Variants in FANCA observed in about 807,000 individuals in gnomAD.
The protein encoded by FANCA is FA complementation group A, also known as Fanconi anemia group A protein.
A neutral mutation model predicts 194.3 loss-of-function variants in FANCA; 236 were observed. The ratio of observed to expected loss-of-function variants is 1.21; its 90% CI spans 1.09 to 1.35. The LOEUF (loss-of-function observed/expected upper bound fraction) is 1.35, where lower values mean the gene tolerates loss of function less well. Ranked by LOEUF, FANCA falls within the 40% of genes most tolerant of loss-of-function variation. The pLI is 0.00. For missense variants in FANCA, 2,628 were observed against 1,813.9 expected, an observed-to-expected ratio of 1.45 and a Z score of -8.15; for synonymous variants, 1,014 against 715.8, an observed-to-expected ratio of 1.42 and a Z score of -6.65.
Position 89,815,933 on chromosome 16 carries a change from C to T in FANCA, c.133G>A (p.Glu45Lys), listed in dbSNP as rs142990858. 35 of 1,614,024 alleles carry T rather than the reference C, an allele frequency of 2.2e-5. No individual in the cohort carries two copies. The highest frequency in any genetic ancestry group is 2.4e-5 in the Non-Finnish European group (28 of 1,179,986). Residue 45 changes from glutamate (E) to lysine (K), a missense_variant, in exon 2 of 43, where the codon GAA becomes AAA. By Grantham distance (56) the Glu-to-Lys change is moderately conservative (BLOSUM62 1). Transcript: ENST00000389301. ...CTTCGCAGGAGGCGCACAGCTGATTCCTTTAATTTCTGTGCCCTTTCAGGA... is the reference window on the plus strand; with the variant it reads ...CTTCGCAGGAGGCGCACAGCTGATTTCTTTAATTTCTGTGCCCTTTCAGGA... The part of the protein sequence containing the change: ...YNPERAQKLK[E>K]SAVRLLRSHQ...
At chr16:89,742,515 C>A (rs904485184) in intron 37 of FANCA, among the ~76,000 whole-genome samples, 1 of 151,986 alleles carries the variant, frequency 6.6e-6, no homozygotes, top group African/African-American at 2.4e-5. Flanking sequence ...TAGTCAAAGT[C>A]TTACTCCAAG....
intron 35 of FANCA, 126 bp from the exon 36 acceptor site, chr16:89,745,197 G>C (rs2038339634): frequency 2.3e-6 from 2 of 858,928 alleles, no homozygotes; most frequent in African/African-American, 1.7e-5. Flanking sequence ...CTGCGCTCTG[G>C]AACTCCAAAG....
intron 38 of FANCA, 22 bp from the exon 39 acceptor site, chr16:89,740,121 C>A: frequency 6.2e-7 from 1 of 1,606,108 alleles, no homozygotes. Flanking sequence ...AGGAGACCAA[C>A]CCTGAGAATG....
At chr16:89,807,425 G>C (rs1448007742) in intron 6 of FANCA, among the ~76,000 whole-genome samples, 4 of 151,768 alleles carry the variant, frequency 2.6e-5, no homozygotes, top group Non-Finnish European at 5.9e-5. Context: ...CTGCACTCCA[G>C]CCTGGCGACA....
chr16:89,740,354 C>G (rs2062098402), intron 38 of FANCA: 1 of 537,320 alleles, frequency 1.9e-6, no homozygotes, highest in East Asian at 3.2e-5. Context: ...AAGAAAGGCC[C>G]ACAGGCCGGA....
chr16:89,801,785 G>C (rs917934544), intron 8 of FANCA, among the ~76,000 whole-genome samples: 2 of 151,986 alleles, frequency 1.3e-5, no homozygotes, highest in Admixed American at 6.6e-5. Flanking sequence ...CTATTCGGGA[G>C]GCTGAGGCAG....
intron 31 of FANCA, among the ~76,000 whole-genome samples, chr16:89,751,092 C>T (rs944222827): frequency 6.6e-6 from 1 of 152,088 alleles, no homozygotes; most frequent in Non-Finnish European, 1.5e-5. Flanking sequence ...GGGGTTTCAC[C>T]ATGTTGGCCA....
intron 7 of FANCA, among the ~76,000 whole-genome samples, chr16:89,804,318 G>A (rs1175609029): frequency 6.6e-6 from 1 of 152,060 alleles, no homozygotes; most frequent in Non-Finnish European, 1.5e-5. Flanking sequence ...AAATATCCCA[G>A]AGAGGATCTG....
At chr16:89,754,543 G>T (rs1182453859) in intron 30 of FANCA, among the ~76,000 whole-genome samples, 1 of 151,962 alleles carries the variant, frequency 6.6e-6, no homozygotes, top group African/African-American at 2.4e-5. Context: ...GCTAATTTTT[G>T]TATTTTTAGT....
chr16:89,792,422 AT>A (rs747733733), intron 12 of FANCA, 48 bp downstream of exon 12: 2 of 1,572,540 alleles, frequency 1.3e-6, no homozygotes, highest in Non-Finnish European at 1.7e-6. Context: ...GCAGATCTTA[AT>A]CCCCCCGCCA....
chr16:89,766,753 G>T (rs1356554301), intron 27 of FANCA, among the ~76,000 whole-genome samples: 1 of 151,990 alleles, frequency 6.6e-6, no homozygotes, highest in Non-Finnish European at 1.5e-5. Flanking sequence ...ACAATGTAAG[G>T]AACATTTACT....
chr16:89,739,968 T>C, intron 39 of FANCA, 26 bp downstream of exon 39: 1 of 1,612,692 alleles, frequency 6.2e-7, no homozygotes, highest in Non-Finnish European at 8.5e-7. Context: ...CCCTCCGCAT[T>C]TGTGCCTCAG....
rs1450990297 is a variant in FANCA at position 89,783,118 on chromosome 16, A to G, written c.1471-16T>C. The G allele has an allele frequency of 3.8e-6, 6 of 1,591,244 alleles. No homozygotes were observed. The highest frequency in any genetic ancestry group is 1.7e-5 in the Admixed American group (1 of 59,886). On this transcript the variant is annotated splice_polypyrimidine_tract_variant and intron_variant, in intron 15 of 42. Coordinates refer to ENST00000389301, the MANE Select transcript of FANCA (RefSeq NM_000135.4). ...GAATGTGCACCTGAGGATAGATAGC[A>G]GAGCGCAGCACCGTTAGTCTGGGAA...
intron 29 of FANCA, among the ~76,000 whole-genome samples, chr16:89,759,412 G>A (rs1344556998): frequency 2.7e-5 from 4 of 150,660 alleles, no homozygotes; most frequent in Non-Finnish European, 5.9e-5. Context: ...AGGGGATGGT[G>A]AAGCAACCTG....
At chr16:89,811,904 G>T (rs985569711) in intron 3 of FANCA, among the ~76,000 whole-genome samples, 2 of 151,546 alleles carry the variant, frequency 1.3e-5, no homozygotes, top group Non-Finnish European at 3.0e-5. Flanking sequence ...TTAATTTTTT[G>T]TATTTTTAGT....
At chr16:89,812,982 G>A (rs1159649790) in intron 3 of FANCA, among the ~76,000 whole-genome samples, 1 of 150,002 alleles carries the variant, frequency 6.7e-6, no homozygotes, top group East Asian at 1.9e-4. Flanking sequence ...GTAGTGAGCC[G>A]AGATGGCGCC....
At chr16:89,760,094 G>T (rs1252637513) in intron 29 of FANCA, among the ~76,000 whole-genome samples, 1 of 152,220 alleles carries the variant, frequency 6.6e-6, no homozygotes, top group African/African-American at 2.4e-5. Context: ...ATTCAGAAAA[G>T]AAAGAAAATC....
intron 14 of FANCA, among the ~76,000 whole-genome samples, chr16:89,787,917 A>C (rs1390043630): frequency 2.0e-5 from 3 of 151,800 alleles, no homozygotes; most frequent in Non-Finnish European, 4.4e-5. Context: ...TCCATTGCCC[A>C]GGCTGGAGTG....
At position 89,808,265 on chromosome 16, in the gene FANCA, G is replaced by GT. The variant is rs1424533755; in HGVS notation, c.596+28dup. On this transcript the variant is annotated intron_variant, in intron 6 of 42. Coordinates refer to ENST00000389301, the MANE Select transcript of FANCA (RefSeq NM_000135.4). The stretch of plus-strand genomic sequence containing the variant: ...TATACTAGACTAGACTGCAAAAACA[G>GT]TAACACTGAATCATCATTAGCACGC... The GT allele has an allele frequency of 5.6e-6, 9 of 1,606,482 alleles. No individual in the cohort carries two copies. In the Admixed American group the frequency reaches 6.7e-5, roughly 12 times the overall value.
Sources: allele counts gnomAD v4.1 joint callset (sites outside exome capture counted in the v4.1 genomes callset), GRCh38; gene constraint gnomAD v4.1.1; transcripts MANE v1.5; gene names NCBI Gene and HGNC (gene_info 2026-07-23, HGNC 2026-07-21).